The following EPS15 variants were observed in gnomAD, a reference collection of about 807,000 sequenced individuals.
EPS15 encodes epidermal growth factor receptor substrate 15.
EPS15 carries 72 observed loss-of-function variants against 113.8 expected under a neutral mutation model. That is an observed-to-expected ratio of 0.63 (90% CI 0.52 to 0.77). The LOEUF (loss-of-function observed/expected upper bound fraction) is 0.77, where lower values mean the gene tolerates loss of function less well. Ranked by LOEUF, EPS15 falls within the 30% of genes least tolerant of loss-of-function variation. EPS15 has a pLI of 0.00. For missense variants in EPS15, 1,048 were observed against 1,045.8 expected, an observed-to-expected ratio of 1.00 and a Z score of -0.03; for synonymous variants, 344 against 363.4, an observed-to-expected ratio of 0.95 and a Z score of 0.61.
chr1:51,426,994 G>C (rs889214641), intron 12 of EPS15, among the ~76,000 whole-genome samples: 1 of 151,598 alleles, frequency 6.6e-6, no homozygotes, highest in African/African-American at 2.4e-5. Flanking sequence ...TTATATAGGG[G>C]TCATCAAATT....
At chr1:51,411,652 C>T (rs1483742822) in intron 13 of EPS15, among the ~76,000 whole-genome samples, 1 of 152,112 alleles carries the variant, frequency 6.6e-6, no homozygotes, top group African/African-American at 2.4e-5. Flanking sequence ...TAGAGTTTTG[C>T]TTTGCCTAGG....
chr1:51,477,867 C>T (rs1643940534), intron 2 of EPS15, among the ~76,000 whole-genome samples: 1 of 152,194 alleles, frequency 6.6e-6, no homozygotes, highest in Non-Finnish European at 1.5e-5. Context: ...GAGTGCTTTA[C>T]TTCCAACTAT....
intron 21 of EPS15, chr1:51,372,575 A>G: frequency 1.9e-6 from 1 of 523,864 alleles, no homozygotes; most frequent in South Asian, 1.4e-5. Flanking sequence ...CAAGAGTAAC[A>G]TTGCCATCAA....
intron 18 of EPS15, among the ~76,000 whole-genome samples, chr1:51,402,135 C>T (rs1222885603): frequency 6.6e-6 from 1 of 151,388 alleles, no homozygotes; most frequent in Non-Finnish European, 1.5e-5. Flanking sequence ...GACTCCATTT[C>T]TAAATAAATT....
chr1:51,418,999 A>G (rs984928545), intron 13 of EPS15, among the ~76,000 whole-genome samples: 2 of 152,148 alleles, frequency 1.3e-5, no homozygotes, highest in African/African-American at 4.8e-5. Flanking sequence ...TCTGTTGACT[A>G]CTCAGAAGAA....
intron 13 of EPS15, among the ~76,000 whole-genome samples, chr1:51,416,065 T>G (rs529085414): frequency 6.6e-6 from 1 of 152,216 alleles, no homozygotes; most frequent in Admixed American, 6.5e-5. Flanking sequence ...TGAGACTAAA[T>G]TAAGGCAACA....
chr1:51,382,774 G>A (rs1007953921), intron 21 of EPS15, among the ~76,000 whole-genome samples: 4 of 152,188 alleles, frequency 2.6e-5, no homozygotes, highest in South Asian at 2.1e-4. Context: ...AAAAGCTCAC[G>A]ATTACATGAC....
intron 1 of EPS15, among the ~76,000 whole-genome samples, chr1:51,511,578 T>A (rs191084566): frequency 6.6e-6 from 1 of 152,112 alleles, no homozygotes; most frequent in African/African-American, 2.4e-5. Flanking sequence ...TAGGAAATAT[T>A]TGTCAGTGTC....
chr1:51,442,770 A>C (rs1652693875), intron 11 of EPS15, among the ~76,000 whole-genome samples: 1 of 152,126 alleles, frequency 6.6e-6, no homozygotes, highest in African/African-American at 2.4e-5. Context: ...TGTATCTTGT[A>C]AACCAAAAAC....
chr1:51,491,140 A>G (rs1412011266), intron 1 of EPS15, among the ~76,000 whole-genome samples: 2 of 152,050 alleles, frequency 1.3e-5, no homozygotes, highest in Non-Finnish European at 2.9e-5. Context: ...CTTCAAATAA[A>G]CCACTCTTTT....
intron 1 of EPS15, among the ~76,000 whole-genome samples, chr1:51,517,392 CAG>C (rs1463492129): frequency 6.6e-6 from 1 of 152,160 alleles, no homozygotes; most frequent in African/African-American, 2.4e-5. Flanking sequence ...ATAAAACTGA[CAG>C]AGCTTGAAGC....
chr1:51,452,584 T>C (rs537006721), intron 8 of EPS15, among the ~76,000 whole-genome samples: 6 of 152,308 alleles, frequency 3.9e-5, no homozygotes, highest in African/African-American at 1.4e-4. Context: ...CATTCATCAC[T>C]GATTTCCAGG....
chr1:51,435,769 T>C (rs1210038365), intron 12 of EPS15, among the ~76,000 whole-genome samples: 1 of 152,016 alleles, frequency 6.6e-6, no homozygotes, highest in Non-Finnish European at 1.5e-5. Flanking sequence ...AAAAGCAATA[T>C]AAATTACTAT....
At chr1:51,357,707 G>A (rs1050165303) in intron 24 of EPS15, among the ~76,000 whole-genome samples, 2 of 147,692 alleles carry the variant, frequency 1.4e-5, no homozygotes, top group East Asian at 3.9e-4. Context: ...TAAAGTATTG[G>A]GTATACTAAG....
chr1:51,431,727 G>T (rs144746875), intron 12 of EPS15, among the ~76,000 whole-genome samples: 2 of 152,088 alleles, frequency 1.3e-5, no homozygotes, highest in East Asian at 1.9e-4. Flanking sequence ...GATTACAGGC[G>T]TGAGTTACCG....
Position 51,457,115 on chromosome 1 carries a change from C to A in EPS15, c.561+3976G>T, listed in dbSNP as rs1420128155. Among the ~76,000 whole-genome samples the A allele has an allele frequency of 2.0e-5, 3 of 152,110 alleles. No homozygotes were observed. In the East Asian group the frequency reaches 5.8e-4, roughly 29 times the overall value. ...CCTGGCAAACACAGTGAAACCCCGT[C>A]TCTACTAAAAATACAAAAAAAATTA... On this transcript the variant is annotated intron_variant, in intron 8 of 24. Coordinates refer to ENST00000371733, the MANE Select transcript of EPS15 (RefSeq NM_001981.3).
intron 13 of EPS15, among the ~76,000 whole-genome samples, chr1:51,417,228 T>C (rs960659530): frequency 6.6e-6 from 1 of 152,168 alleles, no homozygotes; most frequent in Non-Finnish European, 1.5e-5. Flanking sequence ...GGACAAGTAC[T>C]CTGAATTACT....
intron 20 of EPS15, among the ~76,000 whole-genome samples, chr1:51,395,393 CTA>C (rs1461760652): frequency 1.3e-5 from 2 of 152,140 alleles, no homozygotes; most frequent in African/African-American, 4.8e-5. Context: ...AATGCACACA[CTA>C]TTTTAATTCT....
At chr1:51,515,932 C>T (rs1483687658) in intron 1 of EPS15, among the ~76,000 whole-genome samples, 1 of 152,104 alleles carries the variant, frequency 6.6e-6, no homozygotes, top group Non-Finnish European at 1.5e-5. Context: ...TATAGTAATT[C>T]CCAAAGGGAA....
Sources: allele counts gnomAD v4.1 joint callset (sites outside exome capture counted in the v4.1 genomes callset), GRCh38; gene constraint gnomAD v4.1.1; transcripts MANE v1.5; gene names NCBI Gene and HGNC (gene_info 2026-07-23, HGNC 2026-07-21).